Variants in RSBN1 observed in about 807,000 individuals in gnomAD.
The protein encoded by RSBN1 is lysine-specific demethylase 9.
A neutral mutation model predicts 74.8 loss-of-function variants in RSBN1; 23 were observed. That is an observed-to-expected ratio of 0.31 (90% CI 0.22 to 0.44). RSBN1 has a LOEUF of 0.44. Ranked by LOEUF, RSBN1 falls within the 20% of genes least tolerant of loss-of-function variation. The pLI is 1.00. For synonymous variants in RSBN1, 407 were observed against 379.6 expected, an observed-to-expected ratio of 1.07 and a Z score of -0.84; for missense variants, 808 against 1,020.9, an observed-to-expected ratio of 0.79 and a Z score of 2.84.
rs748327732 is a variant in RSBN1 at position 113,811,721 on chromosome 1, G to T, written c.692C>A (p.Ala231Asp). The T allele has an allele frequency of 6.3e-7, 1 of 1,598,772 alleles. No individual in the cohort carries two copies. The highest frequency in any genetic ancestry group is 8.5e-7 in the Non-Finnish European group (1 of 1,171,032). The change falls in exon 1 of 7, where the codon GCC becomes GAC. Residue 231 changes from alanine (A) to aspartate (D), a missense_variant. Physicochemically the swap from Ala to Asp is moderately radical, Grantham distance 126 (BLOSUM62 -2). This residue lies in a region of RSBN1 where 464 missense variants were observed against 401.0 expected (regional missense o/e 1.16). Transcript: ENST00000261441. Reference protein sequence around the residue: ...ERTGGVPLIKAPKRETPDENG... With the variant: ...ERTGGVPLIKDPKRETPDENG... ...TTGCCTGCTCTCACCTCTCTTGGGG[G>T]CTTTGATCAGAGGCACCCCTCCAGT...
intron 2 of RSBN1, chr1:113,796,369 T>C (rs1660472754): frequency 6.6e-6 from 1 of 152,082 alleles, no homozygotes; most frequent in Admixed American, 6.6e-5. Flanking sequence ...ACTCCCCTCA[T>C]TGGAGGCAAA....
chr1:113,812,030 G>A lies in RSBN1; in HGVS notation c.383C>T (p.Thr128Met). ...GCCTGGGACAGTTGGGGCTGCATTC[G>A]TTGGCGGCAGCGGCCCAGGATGTTG... ...SRQHPGPLPPTNAAPTVPGPV... is the reference protein window; with the variant it reads ...SRQHPGPLPPMNAAPTVPGPV... The change falls in exon 1 of 7, where the codon ACG becomes ATG. Residue 128 changes from threonine (T) to methionine (M), a missense_variant. Physicochemically the swap from Thr to Met is moderately conservative, Grantham distance 81. Around this residue, in one of 6 missense-constraint regions of RSBN1, gnomAD observed 464 missense variants for 401.0 expected, o/e 1.16. Transcript: ENST00000261441. 1 of 1,533,302 alleles carries A rather than the reference G, an allele frequency of 6.5e-7. No individual in the cohort carries two copies. Among genetic ancestry groups the A allele is most frequent in the Non-Finnish European group, 8.8e-7 (1 of 1,140,818 alleles). The allele number at this position is 1,533,302 out of a possible 1,614,324, so 95.0% of individuals were successfully genotyped here. A position where few individuals can be genotyped will look rare whatever the true frequency, so the allele number is the denominator to read the frequency against.
In RSBN1 at chr1:113,783,293, G is replaced by C. The variant is rs562533866; in HGVS notation, c.1378-5485C>G. ...GGCAAAAAGAAAAAAAAGGGGTGGA[G>C]GGGGAGAAGAAGAACTGCTGATTAC... On this transcript the variant is annotated intron_variant, in intron 2 of 6. Coordinates refer to ENST00000261441, the MANE Select transcript of RSBN1 (RefSeq NM_018364.5). 2.6e-4 allele frequency among the ~76,000 whole-genome samples: 39 copies of C among 151,574 alleles called. No homozygotes were observed. The East Asian group carries it at 6.6e-3, about 26-fold the overall frequency.
intron 2 of RSBN1, among the ~76,000 whole-genome samples, chr1:113,790,112 A>G (rs972542978): frequency 6.6e-6 from 1 of 152,148 alleles, no homozygotes; most frequent in African/African-American, 2.4e-5. Context: ...CGGGGGAAAG[A>G]CACGAAGCAG....
intron 4 of RSBN1, among the ~76,000 whole-genome samples, chr1:113,769,555 CTTT>C (rs916671947): frequency 2.0e-5 from 3 of 152,092 alleles, no homozygotes; most frequent in South Asian, 2.1e-4. Context: ...TTGTTTTCTG[CTTT>C]TTTATGTGCT....
At chr1:113,799,558 G>A (rs1476473446) in intron 1 of RSBN1, among the ~76,000 whole-genome samples, 1 of 140,102 alleles carries the variant, frequency 7.1e-6, no homozygotes, top group Non-Finnish European at 1.6e-5. Flanking sequence ...CTGATCTATA[G>A]ATGCTTTACA....
intron 4 of RSBN1, among the ~76,000 whole-genome samples, chr1:113,772,241 G>A (rs1230034188): frequency 6.6e-6 from 1 of 152,022 alleles, no homozygotes; most frequent in African/African-American, 2.4e-5. Context: ...TGAGGAGGAA[G>A]AGGATAAAGT....
chr1:113,780,682 C>T (rs1001595150), intron 2 of RSBN1, among the ~76,000 whole-genome samples: 7 of 152,208 alleles, frequency 4.6e-5, no homozygotes, highest in East Asian at 3.8e-4. Context: ...TTCAGGTTCA[C>T]ACCTTTGTGT....
chr1:113,799,753 T>A (rs1430549532), intron 1 of RSBN1, among the ~76,000 whole-genome samples: 1 of 152,186 alleles, frequency 6.6e-6, no homozygotes, highest in African/African-American at 2.4e-5. Flanking sequence ...ATTTAAAAAC[T>A]TATTTTTAAG....
chr1:113,766,215 G>A lies in RSBN1; in HGVS notation c.2174C>T (p.Thr725Ile). 1 of 1,614,104 alleles carries A rather than the reference G, an allele frequency of 6.2e-7. No homozygotes were observed. The highest frequency in any genetic ancestry group is 8.5e-7 in the Non-Finnish European group (1 of 1,179,972). The stretch of plus-strand genomic sequence containing the variant: ...GTCAACTTCTAATTCTCGCTTTCCA[G>A]TTAAACCACAGTCCATGTTAGAATT... ...ESNSNMDCGL[T>I]GKRELEVDSQ... Residue 725 changes from threonine (T) to isoleucine (I), a missense_variant, in exon 7 of 7, where the codon ACT (threonine) becomes ATT (isoleucine). By Grantham distance (89) the Thr-to-Ile change is moderately conservative. Transcript: ENST00000261441.
chr1:113,780,794 T>C (rs1660123926), intron 2 of RSBN1, among the ~76,000 whole-genome samples: 1 of 152,224 alleles, frequency 6.6e-6, no homozygotes. Flanking sequence ...TACAAAATAC[T>C]AGGACTGGAT....
rs1340765235 is a variant in RSBN1, at chr1:113,780,032, A to AG, written c.1378-2225dup. Among the ~76,000 whole-genome samples the AG allele has an allele frequency of 6.6e-5, 10 of 152,114 alleles. No homozygotes were observed. The East Asian group carries it at 1.9e-3, about 29-fold the overall frequency. ...AAGACTCCGTCTCAAAAAAAAAAAA[A>AG]GAAATATCAGTCTCCCCCAAACACC... is the stretch of plus-strand genomic sequence containing the variant. On this transcript the variant is annotated intron_variant, in intron 2 of 6. Coordinates refer to ENST00000261441, the MANE Select transcript of RSBN1 (RefSeq NM_018364.5).
Position 113,812,294 on chromosome 1 carries a change from G to T in RSBN1, c.119C>A (p.Pro40Gln). Residue 40 changes from proline (P) to glutamine (Q), a missense_variant, in exon 1 of 7, where the codon CCA becomes CAA. Around this residue, in one of 6 missense-constraint regions of RSBN1, gnomAD observed 464 missense variants for 401.0 expected, o/e 1.16. Coordinates refer to ENST00000261441, the MANE Select transcript of RSBN1 (RefSeq NM_018364.5). Reference protein sequence around the residue: ...ARCADGGAVGPFKCVFVGEMA... With the variant: ...ARCADGGAVGQFKCVFVGEMA... Reference sequence around the variant, plus strand: ...TTCACCCACAAACACACATTTAAATGGCCCGACCGCCCCCCCGTCCGCGCA... The same window carrying T: ...TTCACCCACAAACACACATTTAAATTGCCCGACCGCCCCCCCGTCCGCGCA... 1 of 1,604,482 alleles carries T rather than the reference G, an allele frequency of 6.2e-7. No homozygotes were observed.
intron 4 of RSBN1, among the ~76,000 whole-genome samples, chr1:113,772,017 T>C (rs1460799420): frequency 1.3e-5 from 2 of 152,056 alleles, no homozygotes; most frequent in Non-Finnish European, 2.9e-5. Flanking sequence ...AAAAGAAAGA[T>C]GCTTTTGCAT....
At chr1:113,807,924 A>C (rs1342096849) in intron 1 of RSBN1, among the ~76,000 whole-genome samples, 1 of 152,064 alleles carries the variant, frequency 6.6e-6, no homozygotes, top group African/African-American at 2.4e-5. Context: ...GTGTATTATC[A>C]CTAGCCATTT....
chr1:113,766,478 A>G (rs993051262), intron 6 of RSBN1, 25 bp from the exon 7 acceptor site: 11 of 1,433,648 alleles, frequency 7.7e-6, no homozygotes, highest in Non-Finnish European at 9.6e-6. Context: ...AAGTTACGTG[A>G]GACTTTAAAA....
intron 1 of RSBN1, among the ~76,000 whole-genome samples, chr1:113,804,480 C>G (rs1012833578): frequency 2.0e-5 from 3 of 152,146 alleles, no homozygotes; most frequent in Non-Finnish European, 4.4e-5. Flanking sequence ...TTCTAACATA[C>G]TGCACCCTAC....
At chr1:113,808,013 C>T (rs1660745992) in intron 1 of RSBN1, among the ~76,000 whole-genome samples, 2 of 151,834 alleles carry the variant, frequency 1.3e-5, no homozygotes, top group Non-Finnish European at 2.9e-5. Flanking sequence ...GTGACAATAC[C>T]AGATACTGGC....
intron 1 of RSBN1, among the ~76,000 whole-genome samples, chr1:113,799,625 G>A (rs571413727): frequency 5.3e-5 from 8 of 150,592 alleles, no homozygotes; most frequent in African/African-American, 1.9e-4. Flanking sequence ...AAAATATCTG[G>A]AGAAATATAT....
Sources: gnomAD v4.1 joint callset for allele counts (sites outside exome capture counted in the v4.1 genomes callset) on GRCh38, gnomAD v4.1.1 for gene constraint, gnomAD v4.1.1 regional missense constraint, MANE v1.5 for transcripts, NCBI Gene and HGNC (gene_info 2026-07-23, HGNC 2026-07-21) for gene names.